CYFIP2: variants seen among roughly 807,000 people sequenced by gnomAD.
The protein encoded by CYFIP2 is cytoplasmic FMR1-interacting protein 2.
In CYFIP2, 29 loss-of-function variants were observed where a neutral mutation model predicts 158.7. The ratio of observed to expected loss-of-function variants is 0.18; its 90% CI spans 0.14 to 0.25. The LOEUF is 0.25. Among genes scored for constraint, CYFIP2 ranks in the 10% least tolerant of loss-of-function variants. CYFIP2 has a pLI of 1.00. For missense variants in CYFIP2, 852 were observed against 1,639.5 expected, an observed-to-expected ratio of 0.52 and a Z score of 8.29; for synonymous variants, 585 against 617.6, an observed-to-expected ratio of 0.95 and a Z score of 0.78.
intron 26 of CYFIP2, chr5:157,363,181 A>C (rs1225264799): frequency 2.0e-5 from 3 of 152,198 alleles, no homozygotes; most frequent in African/African-American, 4.8e-5. Flanking sequence ...TGTTCTCCAC[A>C]TGGTGCTCCC....
At position 157,307,538 on chromosome 5, in the gene CYFIP2, G is replaced by A. The variant is rs890830355; in HGVS notation, c.796-223G>A. ...AGTAAGGGCTGAAGAAGTAGCTGCT[G>A]TAGTAATACACTAAATTTCTGGTTG... On this transcript the variant is annotated intron_variant, in intron 8 of 30. Coordinates refer to ENST00000620254, the MANE Select transcript of CYFIP2 (RefSeq NM_001037333.3). Among the ~76,000 whole-genome samples the A allele has an allele frequency of 3.9e-5, 6 of 152,226 alleles. 1 individual carries two copies. In the East Asian group the frequency reaches 1.2e-3, roughly 29 times the overall value.
intron 21 of CYFIP2, among the ~76,000 whole-genome samples, chr5:157,336,986 G>A (rs975342125): frequency 6.6e-6 from 1 of 152,220 alleles, no homozygotes; most frequent in Non-Finnish European, 1.5e-5. Context: ...GAACACGGAT[G>A]TATGTTGTGA....
At chr5:157,293,732 G>A (rs1758023226) in intron 3 of CYFIP2, among the ~76,000 whole-genome samples, 1 of 152,168 alleles carries the variant, frequency 6.6e-6, no homozygotes, top group Admixed American at 6.5e-5. Context: ...AATTCACTGA[G>A]ACAGTGGTAT....
chr5:157,269,979 C>T (rs1755948693), intron 1 of CYFIP2, among the ~76,000 whole-genome samples: 1 of 152,192 alleles, frequency 6.6e-6, no homozygotes, highest in South Asian at 2.1e-4. Context: ...TGGGCCCTGG[C>T]AACAGAGGGT....
At chr5:157,293,448 G>A (rs979578265) in intron 3 of CYFIP2, among the ~76,000 whole-genome samples, 4 of 152,146 alleles carry the variant, frequency 2.6e-5, no homozygotes, top group East Asian at 1.9e-4. Flanking sequence ...TTTCACGCTC[G>A]TTTTTCATGC....
chr5:157,279,280 A>G (rs896424237), intron 1 of CYFIP2, among the ~76,000 whole-genome samples: 1 of 152,204 alleles, frequency 6.6e-6, no homozygotes, highest in Non-Finnish European at 1.5e-5. Flanking sequence ...TATAGCTCAT[A>G]AGTGGCAGAT....
chr5:157,390,332 T>G (rs532072282), intron 29 of CYFIP2, among the ~76,000 whole-genome samples, 189 bp from the exon 30 acceptor site: 1 of 152,124 alleles, frequency 6.6e-6, no homozygotes, highest in East Asian at 1.9e-4. Flanking sequence ...ACTTATGACA[T>G]AACTACCATC....
Position 157,319,796 on chromosome 5 carries a change from T to C in CYFIP2, c.1391T>C (p.Met464Thr), listed in dbSNP as rs1311634660. 1.1e-5 allele frequency: 18 copies of C among 1,614,118 alleles called. No homozygotes were observed. Among genetic ancestry groups the C allele is most frequent in the Non-Finnish European group, 1.5e-5 (18 of 1,179,940 alleles). ...ATGATCAAAGGCCTGCAGGTGCTCA[T>C]GGGCAGGATGGAGAGCGTCTTCAAC... ...IAMIKGLQVL[M>T]GRMESVFNQA... The change falls in exon 14 of 31, where the codon ATG becomes ACG. Residue 464 changes from methionine to threonine, a missense_variant. This residue lies in a region of CYFIP2 where 167 missense variants were observed against 343.3 expected (regional missense o/e 0.49). Coordinates refer to ENST00000620254, the MANE Select transcript of CYFIP2 (RefSeq NM_001037333.3).
intron 14 of CYFIP2, among the ~76,000 whole-genome samples, chr5:157,320,394 T>C (rs906822130): frequency 2.9e-4 from 44 of 152,198 alleles, no homozygotes; most frequent in African/African-American, 1.0e-3. Context: ...TCTCACTCGA[T>C]GGGCTCAGAG....
chr5:157,354,736 C>A (rs1763299133), intron 23 of CYFIP2, among the ~76,000 whole-genome samples: 1 of 152,034 alleles, frequency 6.6e-6, no homozygotes, highest in Non-Finnish European at 1.5e-5. Flanking sequence ...CAATCAGGGG[C>A]CTCCAAAGTG....
At chr5:157,383,845 G>A (rs1239755135) in intron 28 of CYFIP2, among the ~76,000 whole-genome samples, 3 of 152,188 alleles carry the variant, frequency 2.0e-5, no homozygotes, top group African/African-American at 7.2e-5. Context: ...TGCATATCAC[G>A]TATGTACTTA....
intron 3 of CYFIP2, among the ~76,000 whole-genome samples, chr5:157,291,479 C>T (rs1230739544): frequency 3.3e-5 from 5 of 152,190 alleles, no homozygotes; most frequent in Non-Finnish European, 5.9e-5. Flanking sequence ...GTTTGCAGCA[C>T]AAAGCACAGA....
chr5:157,363,366 G>A (rs1433702873), intron 26 of CYFIP2: 2 of 152,230 alleles, frequency 1.3e-5, no homozygotes, highest in African/African-American at 4.8e-5. Flanking sequence ...CTAGGTTGTG[G>A]ATAAATGGTC....
chr5:157,331,624 AGG>A (rs1761469993), intron 20 of CYFIP2, among the ~76,000 whole-genome samples: 1 of 151,984 alleles, frequency 6.6e-6, no homozygotes. Flanking sequence ...AATCATTAAG[AGG>A]GGGGAAAAAT....
At chr5:157,379,556 A>G (rs1765830301) in intron 26 of CYFIP2, among the ~76,000 whole-genome samples, 1 of 150,232 alleles carries the variant, frequency 6.7e-6, no homozygotes, top group African/African-American at 2.4e-5. Flanking sequence ...CTGTAGTCCC[A>G]GCTATTCAGG....
intron 28 of CYFIP2, among the ~76,000 whole-genome samples, chr5:157,388,707 C>CA (rs1766946004): frequency 6.6e-6 from 1 of 152,220 alleles, no homozygotes; most frequent in Non-Finnish European, 1.5e-5. Flanking sequence ...CTTTAACACT[C>CA]ACTGGCTGCC....
intron 1 of CYFIP2, among the ~76,000 whole-genome samples, chr5:157,272,298 C>T (rs1282110899): frequency 6.6e-5 from 10 of 152,176 alleles, no homozygotes; most frequent in African/African-American, 2.4e-4. Flanking sequence ...TCCCGGAGGA[C>T]AGGAGCAGGG....
intron 28 of CYFIP2, chr5:157,384,957 A>AAAAAAAAAAAAAAC (rs1766518988): frequency 6.2e-6 from 1 of 162,318 alleles, no homozygotes; most frequent in Non-Finnish European, 1.3e-5. Flanking sequence ...AAAAAAAAAA[A>AAAAAAAAAAAAAAC]AAAAAAGCAG....
Position 157,392,969 on chromosome 5 carries a change from C to T in CYFIP2, c.3731C>T (p.Pro1244Leu). The T allele has an allele frequency of 6.2e-7, 1 of 1,613,820 alleles. No individual in the cohort carries two copies. The stretch of plus-strand genomic sequence containing the variant: ...GAGCATGTGCGCTGCTTCCAGCCAC[C>T]CATCCACCAGTCCTTGGCCACCACT... ...TVEHVRCFQP[P>L]IHQSLATTC The change falls in exon 31 of 31, where the codon CCC (proline) becomes CTC (leucine). Residue 1244 changes from proline (P) to leucine (L), a missense_variant. Pro to Leu is a moderately conservative substitution (Grantham distance 98, BLOSUM62 -3). Transcript: ENST00000620254.
Sources: allele counts gnomAD v4.1 joint callset (sites outside exome capture counted in the v4.1 genomes callset), GRCh38; gene constraint gnomAD v4.1.1; regional missense constraint gnomAD v4.1.1; transcripts MANE v1.5; gene names NCBI Gene and HGNC (gene_info 2026-07-23, HGNC 2026-07-21).